THSD7A: variants seen among roughly 807,000 people sequenced by gnomAD.
THSD7A encodes the protein thrombospondin type 1 domain containing 7A, also known as thrombospondin type-1 domain-containing protein 7A.
In THSD7A, 96 loss-of-function variants were observed where a neutral mutation model predicts 231.3. The ratio of observed to expected loss-of-function variants is 0.41; its 90% CI spans 0.35 to 0.49. The LOEUF (loss-of-function observed/expected upper bound fraction) is 0.49. Ranked by LOEUF, THSD7A falls within the 20% of genes least tolerant of loss-of-function variation. The pLI, the probability that THSD7A is intolerant of heterozygous loss-of-function variation, is 0.05. For missense variants in THSD7A, 2,290 were observed against 2,070.2 expected (o/e 1.11, Z -2.06); for synonymous variants, 940 against 743.3 (o/e 1.26, Z -4.30).
At chr7:11,465,218 G>A (rs1785651636) in intron 9 of THSD7A, among the ~76,000 whole-genome samples, 1 of 152,134 alleles carries the variant, frequency 6.6e-6, no homozygotes, top group Admixed American at 6.6e-5. Flanking sequence ...TTATTAGTTA[G>A]CACCTTCTAT....
intron 11 of THSD7A, among the ~76,000 whole-genome samples, chr7:11,451,789 G>C (rs1371364370): frequency 6.6e-6 from 1 of 152,024 alleles, no homozygotes; most frequent in Non-Finnish European, 1.5e-5. Context: ...CTCTGAAGCA[G>C]ATCAAATGGA....
intron 1 of THSD7A, among the ~76,000 whole-genome samples, chr7:11,693,855 T>A (rs1358166): frequency 6.6e-6 from 1 of 151,298 alleles, no homozygotes; most frequent in African/African-American, 2.4e-5. Context: ...AATAAGGTTT[T>A]ATAATATATG....
intron 6 of THSD7A, among the ~76,000 whole-genome samples, chr7:11,530,628 A>AG (rs1788665605): frequency 6.6e-6 from 1 of 152,174 alleles, no homozygotes; most frequent in South Asian, 2.1e-4. Context: ...GGGGTAGAAA[A>AG]GCCAACTGGT....
In THSD7A at chr7:11,373,986, T is replaced by G. The variant is rs1344987280; in HGVS notation, c.*1808A>C. 6.6e-6 allele frequency: 1 copy of G among 152,118 alleles called. No individual in the cohort carries two copies. Among genetic ancestry groups the G allele is most frequent in the East Asian group, 1.9e-4 (1 of 5,194 alleles). The allele number at this position is 152,118 out of a possible 1,614,324, so 9.4% of individuals were successfully genotyped here. A position where few individuals can be genotyped will look rare whatever the true frequency, so the allele number is the denominator to read the frequency against. ...CTGAGTTAGTTAAATATTGTTCCAC[T>G]GTGCCATTCCCAGGGCTACATCTGT... On this transcript the variant is annotated 3_prime_UTR_variant, in exon 28 of 28. Transcript: ENST00000423059.
At chr7:11,780,997 CAAAAAAAAAAAAAAAAAAAAAAA>C (rs58931693) in intron 1 of THSD7A, among the ~76,000 whole-genome samples, 352 of 34,464 alleles carry the variant, frequency 0.01, 4 homozygotes, top group Middle Eastern at 0.033. Context: ...GACTCCGTCT[CAAAAAAAAAAAAAAAAAAAAAAA>C]AAAAAAAAAA....
chr7:11,746,201 A>G (rs1052505757), intron 1 of THSD7A, among the ~76,000 whole-genome samples: 5 of 151,860 alleles, frequency 3.3e-5, no homozygotes, highest in Non-Finnish European at 7.4e-5. Context: ...TTAAACATTT[A>G]TTTTGGAATA....
intron 1 of THSD7A, among the ~76,000 whole-genome samples, chr7:11,688,825 C>G (rs1780145193): frequency 6.6e-6 from 1 of 151,772 alleles, no homozygotes; most frequent in Non-Finnish European, 1.5e-5. Flanking sequence ...CTGCACTCAT[C>G]TTGCATTATC....
chr7:11,734,223 C>T (rs564892816), intron 1 of THSD7A, among the ~76,000 whole-genome samples: 4 of 152,020 alleles, frequency 2.6e-5, no homozygotes, highest in African/African-American at 4.8e-5. Context: ...CTTTTAATGG[C>T]CTCTAACTTA....
intron 6 of THSD7A, among the ~76,000 whole-genome samples, chr7:11,517,161 C>G (rs1334292058): frequency 1.3e-5 from 2 of 152,088 alleles, no homozygotes; most frequent in South Asian, 2.1e-4. Context: ...TCACTGCATC[C>G]TCCACCTCCC....
chr7:11,813,662 G>A (rs1373087445), intron 1 of THSD7A, among the ~76,000 whole-genome samples: 5 of 151,590 alleles, frequency 3.3e-5, no homozygotes, highest in East Asian at 1.9e-4. Flanking sequence ...GCAGTGAGCC[G>A]AGATAGCACC....
chr7:11,464,660 C>A (rs564919755), intron 9 of THSD7A, among the ~76,000 whole-genome samples: 5 of 152,042 alleles, frequency 3.3e-5, no homozygotes, highest in Non-Finnish European at 2.9e-5. Context: ...TTAATGGATT[C>A]CAGAGTGGCA....
chr7:11,778,156 C>CAA (rs57740181), intron 1 of THSD7A, among the ~76,000 whole-genome samples: 2,690 of 44,864 alleles, frequency 0.06, 341 homozygotes, highest in East Asian at 0.12. Context: ...GACTCCGTCT[C>CAA]AAAAAAAAAA....
rs1397756443 is a variant in THSD7A at position 11,593,271 on chromosome 7, T to C, written c.1254A>G (p.Gly418=). ...TTACTCACGTGGCACAGGGGACAAC[T>C]CCATCTCCTTGAGACAAACAGGGTT... ...EKEPCLSQGD[G]VVPCATYGWR... is the part of the protein sequence containing the mutation. The change falls in exon 3 of 28, where the codon GGA becomes GGG. Residue 418 remains glycine, a synonymous_variant. Transcript: ENST00000423059. The C allele has an allele frequency of 1.2e-6, 2 of 1,613,954 alleles. No homozygotes were observed. The highest frequency in any genetic ancestry group is 1.7e-6 in the Non-Finnish European group (2 of 1,179,868).
chr7:11,825,345 G>C (rs1413100665), intron 1 of THSD7A, among the ~76,000 whole-genome samples: 5 of 152,136 alleles, frequency 3.3e-5, no homozygotes, highest in Non-Finnish European at 4.4e-5. Flanking sequence ...CAGTCAGGTA[G>C]AGGTAAGATG....
chr7:11,475,812 AT>A (rs950980646), intron 7 of THSD7A, among the ~76,000 whole-genome samples: 3 of 151,128 alleles, frequency 2.0e-5, no homozygotes, highest in African/African-American at 7.3e-5. Context: ...TGAGAAAAAA[AT>A]GACATAATTT....
chr7:11,750,006 A>C (rs974705549), intron 1 of THSD7A, among the ~76,000 whole-genome samples: 1 of 151,532 alleles, frequency 6.6e-6, no homozygotes, highest in Non-Finnish European at 1.5e-5. Context: ...AAAGGCAATT[A>C]AAGTGGCCAG....
At position 11,682,360 on chromosome 7, in the gene THSD7A, T is replaced by C. The variant is rs542979064; in HGVS notation, c.191-45399A>G. ...CCTTCTGCTATCTTTAAGAGATCTA[T>C]CTCAAATGTAATGATGCCCATAGGC... On this transcript the variant is annotated intron_variant, in intron 1 of 27. Transcript: ENST00000423059. Among the ~76,000 whole-genome samples, 5 of 152,160 alleles carry C rather than the reference T, an allele frequency of 3.3e-5. No individual in the cohort carries two copies. In the South Asian group the frequency reaches 6.2e-4, roughly 19 times the overall value.
At chr7:11,557,696 C>T (rs1789906456) in intron 4 of THSD7A, among the ~76,000 whole-genome samples, 1 of 152,110 alleles carries the variant, frequency 6.6e-6, no homozygotes, top group South Asian at 2.1e-4. Flanking sequence ...ATTTAACCTC[C>T]ATTGATAACA....
chr7:11,772,380 G>A (rs1173637291), intron 1 of THSD7A, among the ~76,000 whole-genome samples: 1 of 152,028 alleles, frequency 6.6e-6, no homozygotes, highest in African/African-American at 2.4e-5. Context: ...GGGTATATAT[G>A]CAAAGGAATA....
Sources: allele counts gnomAD v4.1 joint callset (sites outside exome capture counted in the v4.1 genomes callset), GRCh38; gene constraint gnomAD v4.1.1; transcripts MANE v1.5; gene names NCBI Gene and HGNC (gene_info 2026-07-23, HGNC 2026-07-21).